SYN3: variants seen among roughly 807,000 people sequenced by gnomAD.
The protein encoded by SYN3 is synapsin-3.
In SYN3, 35 loss-of-function variants were observed where a neutral mutation model predicts 65.8. The ratio of observed to expected loss-of-function variants is 0.53; its 90% CI spans 0.41 to 0.70. The LOEUF (loss-of-function observed/expected upper bound fraction) is 0.70, where lower values mean the gene tolerates loss of function less well. Among genes scored for constraint, SYN3 ranks in the 30% least tolerant of loss-of-function variants. The pLI is 0.00. For synonymous variants in SYN3, 270 were observed against 292.9 expected (o/e 0.92, Z 0.80); for missense variants, 680 against 749.0 (o/e 0.91, Z 1.08).
At position 32,509,967 on chromosome 22, in the gene SYN3, AT is replaced by A. The variant is rs2057673900; in HGVS notation, c.*3724del. On this transcript the variant is annotated 3_prime_UTR_variant, in exon 14 of 14. Coordinates refer to ENST00000358763, the MANE Select transcript of SYN3 (RefSeq NM_003490.4). ...TATAAAAATCAGGATGCCTGGCCTG[AT>A]TTGGAGCTTGGAAGGAGGTTCTGCG... Among the ~76,000 whole-genome samples, 1 of 152,100 alleles carries A rather than the reference AT, an allele frequency of 6.6e-6. No individual in the cohort carries two copies. Among genetic ancestry groups the A allele is most frequent in the Non-Finnish European group, 1.5e-5 (1 of 68,028 alleles).
rs80202082 is a variant in SYN3 at position 32,641,357 on chromosome 22, C to T, written c.712-44621G>A. ...GGCGCGGTGGTTCATGCCTGTAATC[C>T]CAGCACTTTGGGAGGCTGAGGCAGG... On this transcript the variant is annotated intron_variant, in intron 6 of 13. Transcript: ENST00000358763. Among the ~76,000 whole-genome samples the T allele has an allele frequency of 1.5e-3, 234 of 152,126 alleles. 3 individuals carry two copies. In the East Asian group the frequency reaches 0.038, roughly 25 times the overall value.
intron 6 of SYN3, among the ~76,000 whole-genome samples, chr22:32,774,142 G>A (rs907808388): frequency 3.9e-5 from 6 of 152,132 alleles, no homozygotes; most frequent in Non-Finnish European, 8.8e-5. Flanking sequence ...CTGGGGACAA[G>A]AAAAACCATG....
At chr22:32,767,370 T>C (rs2045655453) in intron 6 of SYN3, among the ~76,000 whole-genome samples, 1 of 135,068 alleles carries the variant, frequency 7.4e-6, no homozygotes, top group Admixed American at 7.8e-5. Flanking sequence ...CTCCTTCAAA[T>C]GATTGCTGGT....
At chr22:32,630,829 G>T (rs2059737257) in intron 6 of SYN3, among the ~76,000 whole-genome samples, 1 of 152,162 alleles carries the variant, frequency 6.6e-6, no homozygotes, top group Non-Finnish European at 1.5e-5. Context: ...CAGGCTACAG[G>T]TGTGTTCCCT....
intron 6 of SYN3, among the ~76,000 whole-genome samples, chr22:32,728,238 G>A (rs1233974038): frequency 6.6e-6 from 1 of 152,236 alleles, no homozygotes; most frequent in Non-Finnish European, 1.5e-5. Flanking sequence ...ACATTGACAA[G>A]TGAGATCTAA....
chr22:33,045,524 G>A (rs1473151129), intron 1 of SYN3, among the ~76,000 whole-genome samples: 3 of 127,474 alleles, frequency 2.4e-5, no homozygotes, highest in Non-Finnish European at 4.7e-5. Flanking sequence ...CTGGAGTGCA[G>A]TGGCATGATC....
chr22:32,769,585 C>T (rs564377244), intron 6 of SYN3, among the ~76,000 whole-genome samples: 3 of 151,398 alleles, frequency 2.0e-5, no homozygotes, highest in Non-Finnish European at 2.9e-5. Flanking sequence ...GGCGCGATCT[C>T]GGCTCAACGC....
At chr22:32,978,716 CTT>C (rs2052282634) in intron 3 of SYN3, among the ~76,000 whole-genome samples, 1 of 152,208 alleles carries the variant, frequency 6.6e-6, no homozygotes, top group African/African-American at 2.4e-5. Flanking sequence ...TCACTGCATT[CTT>C]ACTAGCTGTG....
chr22:32,680,821 T>C (rs2060512509), intron 6 of SYN3, among the ~76,000 whole-genome samples: 1 of 152,226 alleles, frequency 6.6e-6, no homozygotes, highest in African/African-American at 2.4e-5. Context: ...GTTTTTCCTC[T>C]CTCTTGAGGT....
chr22:33,011,650 G>GT (rs529265120), intron 1 of SYN3, among the ~76,000 whole-genome samples: 39 of 151,862 alleles, frequency 2.6e-4, no homozygotes, highest in Non-Finnish European at 4.9e-4. Context: ...GTAATATTGT[G>GT]TTTTTTTTCT....
chr22:32,809,560 A>G (rs759245077), intron 6 of SYN3, among the ~76,000 whole-genome samples: 4 of 152,098 alleles, frequency 2.6e-5, no homozygotes, highest in African/African-American at 9.7e-5. Context: ...TTTCCCTCCA[A>G]TAAGTTCTGT....
intron 6 of SYN3, among the ~76,000 whole-genome samples, chr22:32,712,589 C>T (rs1204484185): frequency 6.6e-6 from 1 of 152,060 alleles, no homozygotes; most frequent in African/African-American, 2.4e-5. Context: ...ATTTGGGGTT[C>T]TGATGTATTT....
At chr22:32,623,873 C>G (rs979222135) in intron 6 of SYN3, among the ~76,000 whole-genome samples, 1 of 152,142 alleles carries the variant, frequency 6.6e-6, no homozygotes, top group Non-Finnish European at 1.5e-5. Context: ...TGTCCCCTCC[C>G]ACCATAAAAG....
intron 6 of SYN3, among the ~76,000 whole-genome samples, chr22:32,760,750 A>G (rs12484982): frequency 0.15 from 22,557 of 152,180 alleles, 1,723 homozygotes; most frequent in Middle Eastern, 0.2. Context: ...AGATGAGGAA[A>G]ATGTCAGCAG....
At chr22:32,981,924 G>C (rs1218430496) in intron 2 of SYN3, among the ~76,000 whole-genome samples, 1 of 151,918 alleles carries the variant, frequency 6.6e-6, no homozygotes, top group Non-Finnish European at 1.5e-5. Context: ...GGTTTATCTT[G>C]GTATCCTCCA....
intron 1 of SYN3, among the ~76,000 whole-genome samples, chr22:33,051,411 G>C (rs75547200): frequency 6.8e-4 from 103 of 152,254 alleles, no homozygotes; most frequent in African/African-American, 2.3e-3. Context: ...GTTCTTGCTA[G>C]CAGTTTTCCT....
At chr22:32,925,875 T>TTTC in intron 4 of SYN3, among the ~76,000 whole-genome samples, 1 of 150,264 alleles carries the variant, frequency 6.7e-6, no homozygotes, top group Non-Finnish European at 1.5e-5. Context: ...TCTTTTTTTT[T>TTTC]TTTTTTTGTG....
chr22:32,960,748 A>G (rs1334153136), intron 3 of SYN3, among the ~76,000 whole-genome samples: 1 of 152,134 alleles, frequency 6.6e-6, no homozygotes, highest in African/African-American at 2.4e-5. Flanking sequence ...AGTGTGGATC[A>G]TGTCACAAAC....
At chr22:33,016,005 G>A (rs901558511) in intron 1 of SYN3, among the ~76,000 whole-genome samples, 2 of 151,966 alleles carry the variant, frequency 1.3e-5, no homozygotes, top group African/African-American at 4.8e-5. Context: ...ACCACGCCCA[G>A]CTAATTTTTT....
Sources: allele counts gnomAD v4.1 joint callset (sites outside exome capture counted in the v4.1 genomes callset), GRCh38; gene constraint gnomAD v4.1.1; transcripts MANE v1.5; gene names NCBI Gene and HGNC (gene_info 2026-07-23, HGNC 2026-07-21).